DNAJA3: variants seen among roughly 807,000 people sequenced by gnomAD.
The protein encoded by DNAJA3 is dnaJ homolog subfamily A member 3, mitochondrial.
In DNAJA3, 29 loss-of-function variants were observed where a neutral mutation model predicts 54.9. That is an observed-to-expected ratio of 0.53 (90% confidence interval 0.39 to 0.72). The LOEUF (loss-of-function observed/expected upper bound fraction) is 0.72, where lower values mean the gene tolerates loss of function less well. Among genes scored for constraint, DNAJA3 ranks in the 30% least tolerant of loss-of-function variants. The probability of loss-of-function intolerance (pLI) is 0.00; values close to 1 mark genes in which losing one functional copy is unlikely to be tolerated. For synonymous variants in DNAJA3, 302 were observed against 251.4 expected, an observed-to-expected ratio of 1.20 and a Z score of -1.90; for missense variants, 708 against 639.4, an observed-to-expected ratio of 1.11 and a Z score of -1.16.
At position 4,443,095 on chromosome 16, in the gene DNAJA3, C is replaced by G; in HGVS notation, c.862C>G (p.Pro288Ala). The G allele has an allele frequency of 1.2e-6, 2 of 1,614,006 alleles. No individual in the cohort carries two copies. Among genetic ancestry groups the G allele is most frequent in the Non-Finnish European group, 1.7e-6 (2 of 1,180,008 alleles). Residue 288 changes from proline (P) to alanine (A), a missense_variant, in exon 6 of 12, where the codon CCC becomes GCC. Pro to Ala is a conservative substitution (Grantham distance 27). Coordinates refer to ENST00000262375, the MANE Select transcript of DNAJA3 (RefSeq NM_005147.6). Reference sequence around the variant, plus strand: ...TGGCCGCGGCTCCATCATCATATCGCCCTGTGTGGTCTGCAGGGGAGCAGG... The same window carrying G: ...TGGCCGCGGCTCCATCATCATATCGGCCTGTGTGGTCTGCAGGGGAGCAGG... ...CGGRGSIIIS[P>A]CVVCRGAGQA...
In DNAJA3 at chr16:4,456,723, C is replaced by G. The variant is rs2057040638; in HGVS notation, c.*1191C>G. On this transcript the variant is annotated 3_prime_UTR_variant, in exon 12 of 12. Coordinates refer to ENST00000262375, the MANE Select transcript of DNAJA3 (RefSeq NM_005147.6). ...TCTGATTTAGGAATGTAAAATGATT[C>G]TGTATTAATGTAAATAAGATTATCT... is the stretch of plus-strand genomic sequence containing the variant. 6.6e-6 allele frequency: 1 copy of G among 152,612 alleles called. No homozygotes were observed. The highest frequency in any genetic ancestry group is 2.4e-5 in the African/African-American group (1 of 41,456). The allele number at this position is 152,612 out of a possible 1,614,324, so 9.5% of individuals were successfully genotyped here. A position where few individuals can be genotyped will look rare whatever the true frequency, so the allele number is the denominator to read the frequency against.
chr16:4,441,649 C>G, intron 4 of DNAJA3, 74 bp downstream of exon 4: 1 of 1,496,396 alleles, frequency 6.7e-7, no homozygotes. Flanking sequence ...TTATCAGTTT[C>G]TGTTTCTCAG....
intron 1 of DNAJA3, 46 bp from the exon 2 acceptor site, chr16:4,434,335 TTTG>T (rs2056744883): frequency 5.0e-6 from 8 of 1,596,472 alleles, no homozygotes; most frequent in Non-Finnish European, 6.8e-6. Flanking sequence ...ACAGTTTTCT[TTTG>T]TTGAGAACAT....
At chr16:4,429,443 C>G (rs948738587) in intron 1 of DNAJA3, among the ~76,000 whole-genome samples, 1 of 150,720 alleles carries the variant, frequency 6.6e-6, no homozygotes, top group East Asian at 2.0e-4. Flanking sequence ...AGGATGGTCT[C>G]GATCTCTTTA....
chr16:4,436,781 C>G (rs1242910530), intron 2 of DNAJA3, among the ~76,000 whole-genome samples: 2 of 152,158 alleles, frequency 1.3e-5, no homozygotes, highest in African/African-American at 4.8e-5. Context: ...GGTGATCCAC[C>G]CAGCTCAGCA....
chr16:4,449,311 T>C (rs1456665580), intron 9 of DNAJA3, among the ~76,000 whole-genome samples: 1 of 152,174 alleles, frequency 6.6e-6, no homozygotes, highest in Non-Finnish European at 1.5e-5. Context: ...GGTCGACTTC[T>C]TGGAGTTGTT....
At chr16:4,452,164 T>C (rs1318129853) in intron 10 of DNAJA3, among the ~76,000 whole-genome samples, 1 of 152,140 alleles carries the variant, frequency 6.6e-6, no homozygotes, top group Admixed American at 6.5e-5. Context: ...ACATATACTG[T>C]GTATATGTAT....
intron 7 of DNAJA3, among the ~76,000 whole-genome samples, chr16:4,446,400 C>A (rs1433446554): frequency 6.6e-6 from 1 of 151,744 alleles, no homozygotes; most frequent in African/African-American, 2.4e-5. Flanking sequence ...CCCGCCACCA[C>A]ACCTGGTTAA....
chr16:4,434,208 C>G (rs1220382891), intron 1 of DNAJA3, 176 bp from the exon 2 acceptor site: 7 of 648,484 alleles, frequency 1.1e-5, no homozygotes, highest in Non-Finnish European at 1.5e-5. Context: ...AGGTCCCTCC[C>G]ATGACACGTG....
chr16:4,442,467 C>T, intron 5 of DNAJA3, 47 bp downstream of exon 5: 3 of 1,518,590 alleles, frequency 2.0e-6, no homozygotes, highest in South Asian at 2.6e-5. Flanking sequence ...GCACCACTGA[C>T]TGAGAAGAGC....
chr16:4,437,980 A>C (rs867623265), intron 3 of DNAJA3, among the ~76,000 whole-genome samples: 1 of 151,808 alleles, frequency 6.6e-6, no homozygotes, highest in Non-Finnish European at 1.5e-5. Flanking sequence ...TAAAAAAAAA[A>C]CAAAACAACA....
intron 6 of DNAJA3, among the ~76,000 whole-genome samples, chr16:4,443,470 C>T (rs2056863083): frequency 6.6e-6 from 1 of 152,066 alleles, no homozygotes; most frequent in Admixed American, 6.6e-5. Context: ...CCCCCGGGCT[C>T]CTCTCCTCTC....
Position 4,441,471 on chromosome 16 carries a change from G to T in DNAJA3, c.526G>T (p.Gly176Ter). The T allele has an allele frequency of 1.2e-6, 2 of 1,614,184 alleles. No homozygotes were observed. Among genetic ancestry groups the T allele is most frequent in the Non-Finnish European group, 1.7e-6 (2 of 1,180,030 alleles). ...CGGCTCCCAGCATAGCTACTGGAAG[G>T]GAGGCCCCACTGTGGACCCCGAGGA... ...ASGSQHSYWK[G>*]GPTVDPEELF... Residue 176 changes from glycine (G) to a stop codon, truncating the protein, a stop_gained, in exon 4 of 12, where the codon GGA becomes TGA. Transcript: ENST00000262375. LOFTEE classifies it high-confidence loss of function.
intron 1 of DNAJA3, chr16:4,431,999 T>C (rs555059230): frequency 6.6e-6 from 1 of 152,118 alleles, no homozygotes; most frequent in Admixed American, 6.6e-5. Flanking sequence ...TTCCTATTCC[T>C]AGGCCCCATT....
rs374248577 is a variant in DNAJA3 at position 4,425,913 on chromosome 16, T to C, written c.32T>C (p.Leu11Pro). The C allele has an allele frequency of 1.7e-5, 26 of 1,546,776 alleles. No individual in the cohort carries two copies. The Middle Eastern group carries it at 6.4e-4, about 38-fold the overall frequency. Residue 11 changes from leucine (L) to proline (P), a missense_variant, in exon 1 of 12, where the codon CTG becomes CCG. By Grantham distance (98) the Leu-to-Pro change is moderately conservative (BLOSUM62 -3). Coordinates refer to ENST00000262375, the MANE Select transcript of DNAJA3 (RefSeq NM_005147.6). Reference sequence around the variant, plus strand: ...GCGCGGTGCTCCACACGCTGGTTGCTGGTGGTTGTGGGGACCCCGCGGCTG... The same window carrying C: ...GCGCGGTGCTCCACACGCTGGTTGCCGGTGGTTGTGGGGACCCCGCGGCTG... The part of the protein sequence containing the change: MAARCSTRWL[L>P]VVVGTPRLPA...
chr16:4,439,178 T>C (rs942286501), intron 3 of DNAJA3, among the ~76,000 whole-genome samples: 2 of 151,902 alleles, frequency 1.3e-5, no homozygotes, highest in South Asian at 2.1e-4. Context: ...CTGAGCAATA[T>C]GGTGAAACCC....
chr16:4,434,886 CTTT>C (rs202179531), intron 2 of DNAJA3, among the ~76,000 whole-genome samples: 896 of 99,852 alleles, frequency 9.0e-3, no homozygotes, highest in African/African-American at 0.035. Context: ...CCTTTCCTTT[CTTT>C]TTTTTTTTTT....
chr16:4,426,329 G>T (rs1213600369), intron 1 of DNAJA3, among the ~76,000 whole-genome samples: 2 of 152,224 alleles, frequency 1.3e-5, no homozygotes, highest in African/African-American at 4.8e-5. Flanking sequence ...CCCGTAGATC[G>T]TGAACCTTCA....
chr16:4,440,994 C>T (rs1310055675), intron 3 of DNAJA3: 5 of 217,034 alleles, frequency 2.3e-5, no homozygotes, highest in Admixed American at 2.0e-4. Context: ...GAAAACCTTT[C>T]GATGAAGGTA....
Sources: allele counts gnomAD v4.1 joint callset (sites outside exome capture counted in the v4.1 genomes callset), GRCh38; gene constraint gnomAD v4.1.1; transcripts MANE v1.5; gene names NCBI Gene and HGNC (gene_info 2026-07-23, HGNC 2026-07-21).